Variants in PHKB observed in about 807,000 individuals in gnomAD.
PHKB encodes the protein phosphorylase b kinase regulatory subunit beta.
Under a neutral mutation model 152.1 loss-of-function variants are expected in PHKB, and 122 were observed. The observed-to-expected ratio is 0.80, with a 90% CI of 0.69 to 0.93. The LOEUF (loss-of-function observed/expected upper bound fraction) is 0.93. Ranked by LOEUF, PHKB falls within the 40% of genes least tolerant of loss-of-function variation. PHKB has a pLI of 0.00. For synonymous variants in PHKB, 436 were observed against 464.9 expected, an observed-to-expected ratio of 0.94 and a Z score of 0.80; for missense variants, 1,304 against 1,328.4, an observed-to-expected ratio of 0.98 and a Z score of 0.29.
intron 12 of PHKB, among the ~76,000 whole-genome samples, chr16:47,595,485 T>A (rs1446865868): frequency 6.6e-6 from 1 of 152,204 alleles, no homozygotes; most frequent in Admixed American, 6.5e-5. Context: ...ATAATTTTAG[T>A]TCCTACCAAC....
chr16:47,580,385 T>G, intron 8 of PHKB, 27 bp downstream of exon 8: 1 of 1,499,712 alleles, frequency 6.7e-7, no homozygotes, highest in Non-Finnish European at 9.3e-7. Flanking sequence ...CCAGAATCTT[T>G]GATTATTTGA....
intron 1 of PHKB, among the ~76,000 whole-genome samples, chr16:47,494,309 G>A (rs1446904068): frequency 6.6e-6 from 1 of 152,248 alleles, no homozygotes; most frequent in East Asian, 1.9e-4. Flanking sequence ...CTTCTGATTA[G>A]CATCAGTTAC....
At chr16:47,488,663 G>T (rs1466426322) in intron 1 of PHKB, among the ~76,000 whole-genome samples, 1 of 152,174 alleles carries the variant, frequency 6.6e-6, no homozygotes, top group African/African-American at 2.4e-5. Flanking sequence ...TTCTGCATAT[G>T]ACTAGCCAAT....
At chr16:47,690,973 A>C (rs1974049667) in intron 27 of PHKB, among the ~76,000 whole-genome samples, 1 of 152,118 alleles carries the variant, frequency 6.6e-6, no homozygotes, top group South Asian at 2.1e-4. Context: ...TGATCCTAGC[A>C]CTTTGGGAGG....
At chr16:47,589,352 A>G (rs1248397430) in intron 10 of PHKB, among the ~76,000 whole-genome samples, 1 of 152,242 alleles carries the variant, frequency 6.6e-6, no homozygotes, top group Non-Finnish European at 1.5e-5. Flanking sequence ...CACATAGTGA[A>G]TGCTCAGTAA....
intron 7 of PHKB, among the ~76,000 whole-genome samples, chr16:47,573,505 T>G (rs916813971): frequency 1.3e-5 from 2 of 152,182 alleles, no homozygotes; most frequent in African/African-American, 4.8e-5. Flanking sequence ...CAGGCAGCAG[T>G]GAGACCCACC....
At chr16:47,644,972 G>T (rs577189526) in intron 16 of PHKB, among the ~76,000 whole-genome samples, 1 of 152,288 alleles carries the variant, frequency 6.6e-6, no homozygotes, top group South Asian at 2.1e-4. Context: ...CTGAAGAGGA[G>T]CAAACTGGGC....
At chr16:47,641,362 T>C (rs951998691) in intron 15 of PHKB, among the ~76,000 whole-genome samples, 1 of 152,174 alleles carries the variant, frequency 6.6e-6, no homozygotes, top group Admixed American at 6.5e-5. Context: ...TGCAAACACA[T>C]GGGGATTACC....
chr16:47,665,637 C>A, intron 25 of PHKB: 1 of 437,772 alleles, frequency 2.3e-6, no homozygotes, highest in South Asian at 2.1e-5. Flanking sequence ...TATACACCCT[C>A]CCTCCCTAAT....
intron 14 of PHKB, among the ~76,000 whole-genome samples, chr16:47,616,843 T>C (rs977815442): frequency 6.6e-6 from 1 of 151,862 alleles, no homozygotes; most frequent in Non-Finnish European, 1.5e-5. Context: ...TTTACCCACA[T>C]ATTTATTGAC....
At chr16:47,486,097 G>T (rs543928899) in intron 1 of PHKB, among the ~76,000 whole-genome samples, 3 of 151,650 alleles carry the variant, frequency 2.0e-5, no homozygotes, top group African/African-American at 7.3e-5. Flanking sequence ...GTAATTGATC[G>T]TCTTCCAATG....
chr16:47,633,314 T>TA (rs371668498), intron 14 of PHKB, among the ~76,000 whole-genome samples: 25 of 148,714 alleles, frequency 1.7e-4, no homozygotes, highest in South Asian at 6.4e-4. Flanking sequence ...CCAGCAATAC[T>TA]AAAAAAAAAA....
chr16:47,474,766 T>C (rs942783854), intron 1 of PHKB, among the ~76,000 whole-genome samples: 5 of 151,976 alleles, frequency 3.3e-5, no homozygotes, highest in African/African-American at 7.2e-5. Context: ...CTCTTGTTGC[T>C]CAGGCTAGAG....
chr16:47,492,099 A>G (rs1162783530), intron 1 of PHKB, among the ~76,000 whole-genome samples: 1 of 152,220 alleles, frequency 6.6e-6, no homozygotes, highest in African/African-American at 2.4e-5. Context: ...ATATCAAACT[A>G]GAAAGAACTC....
At chr16:47,641,852 C>G (rs1973028645) in intron 16 of PHKB, among the ~76,000 whole-genome samples, 160 bp downstream of exon 16, 1 of 151,816 alleles carries the variant, frequency 6.6e-6, no homozygotes, top group Non-Finnish European at 1.5e-5. Context: ...CTTTAATGGA[C>G]ATTGTTACTA....
intron 9 of PHKB, 131 bp downstream of exon 9, chr16:47,587,894 A>G: frequency 1.3e-6 from 1 of 752,426 alleles, no homozygotes; most frequent in Non-Finnish European, 2.3e-6. Flanking sequence ...GACATGATAG[A>G]TATTGCCCCT....
At chr16:47,589,629 A>G (rs1352233497) in intron 10 of PHKB, among the ~76,000 whole-genome samples, 2 of 152,212 alleles carry the variant, frequency 1.3e-5, no homozygotes, top group African/African-American at 4.8e-5. Context: ...GTTTAGTTTT[A>G]AAATATTTTG....
At chr16:47,472,675 C>T (rs950514907) in intron 1 of PHKB, among the ~76,000 whole-genome samples, 4 of 151,954 alleles carry the variant, frequency 2.6e-5, no homozygotes, top group Non-Finnish European at 4.4e-5. Flanking sequence ...CCCAACTACT[C>T]GGGAGGCCGG....
chr16:47,681,773 T>C (rs1973862220), intron 26 of PHKB, among the ~76,000 whole-genome samples: 1 of 152,198 alleles, frequency 6.6e-6, no homozygotes, highest in Non-Finnish European at 1.5e-5. Flanking sequence ...CATTTACATT[T>C]AAAGTTAATA....
Sources: allele counts gnomAD v4.1 joint callset (sites outside exome capture counted in the v4.1 genomes callset), GRCh38; gene constraint gnomAD v4.1.1; transcripts MANE v1.5; gene names NCBI Gene and HGNC (gene_info 2026-07-23, HGNC 2026-07-21).